Variants in FOXR1 observed in about 807,000 individuals in gnomAD.
The protein encoded by FOXR1 is forkhead box protein R1.
In FOXR1, 25 loss-of-function variants were observed where a neutral mutation model predicts 34.5. The observed-to-expected ratio is 0.72, with a 90% CI of 0.53 to 1.01. The LOEUF (loss-of-function observed/expected upper bound fraction) is 1.01, where lower values mean the gene tolerates loss of function less well. FOXR1 is among the 50% of genes least tolerant of loss of function. FOXR1 has a pLI of 0.00. For missense variants in FOXR1, 373 were observed against 376.2 expected (o/e 0.99, Z 0.07); for synonymous variants, 153 against 141.6 (o/e 1.08, Z -0.57).
intron 1 of FOXR1, 83 bp downstream of exon 1, chr11:118,972,075 T>G: frequency 1.6e-6 from 2 of 1,238,876 alleles, no homozygotes; most frequent in Non-Finnish European, 2.2e-6. Context: ...GGCAGACGGC[T>G]CCCCAGCCTT....
At chr11:118,978,291 G>A (rs2134484662) in intron 1 of FOXR1, among the ~76,000 whole-genome samples, 1 of 152,198 alleles carries the variant, frequency 6.6e-6, no homozygotes, top group South Asian at 2.1e-4. Context: ...GGAGACTGAG[G>A]TGGGAGAATC....
intron 1 of FOXR1, among the ~76,000 whole-genome samples, chr11:118,973,462 C>T (rs544560752): frequency 3.9e-4 from 60 of 152,048 alleles, no homozygotes; most frequent in South Asian, 6.2e-4. Context: ...CTGTTGCCCA[C>T]GCTGCAGTGG....
chr11:118,973,626 C>G (rs1428107338), intron 1 of FOXR1, among the ~76,000 whole-genome samples: 1 of 151,572 alleles, frequency 6.6e-6, no homozygotes, highest in Non-Finnish European at 1.5e-5. Context: ...TCTTCAATTC[C>G]TGACCATGAT....
At chr11:118,972,114 G>C in intron 1 of FOXR1, 122 bp downstream of exon 1, 1 of 725,880 alleles carries the variant, frequency 1.4e-6, no homozygotes, top group African/African-American at 2.1e-5. Context: ...AGGCTTGGGG[G>C]GCCGAGCGCC....
chr11:118,972,736 C>T (rs1409904489), intron 1 of FOXR1, among the ~76,000 whole-genome samples: 3 of 152,102 alleles, frequency 2.0e-5, no homozygotes, highest in Non-Finnish European at 4.4e-5. Flanking sequence ...GATTCTCCCG[C>T]CCCAGCCTCC....
chr11:118,972,429 T>C (rs946232213), intron 1 of FOXR1, among the ~76,000 whole-genome samples: 4 of 152,122 alleles, frequency 2.6e-5, no homozygotes, highest in Admixed American at 6.6e-5. Flanking sequence ...TATCCATGGC[T>C]GTATTCTCAC....
At chr11:118,973,717 G>A (rs1277107543) in intron 1 of FOXR1, among the ~76,000 whole-genome samples, 1 of 119,502 alleles carries the variant, frequency 8.4e-6, no homozygotes, top group Non-Finnish European at 1.7e-5. Flanking sequence ...TTTTTGTCAT[G>A]GAGTCTCACT....
chr11:118,979,554 A>G lies in FOXR1; in HGVS notation c.497A>G (p.Gln166Arg). The G allele has an allele frequency of 6.2e-7, 1 of 1,613,578 alleles. No homozygotes were observed. The highest frequency in any genetic ancestry group is 8.5e-7 in the Non-Finnish European group (1 of 1,179,754). ...CGGAGGCTTCGGCAAGCCAGCAGCC[A>G]GGCGGGGAGGCTCTGGTCCCGGCCC... ...QSRRLRQASS[Q>R]AGRLWSRPPL... The change falls in exon 4 of 6, where the codon CAG becomes CGG. Residue 166 changes from glutamine to arginine, a missense_variant. By Grantham distance (43) the Gln-to-Arg change is conservative. Transcript: ENST00000317011.
rs1941816992 is a variant in FOXR1, at chr11:118,979,147, C to A, written c.327C>A (p.Ser109=). 2 of 1,581,658 alleles carry A rather than the reference C, an allele frequency of 1.3e-6. No individual in the cohort carries two copies. Among genetic ancestry groups the A allele is most frequent in the Admixed American group, 1.9e-5 (1 of 53,170 alleles). The change falls in exon 3 of 6, where the codon TCC becomes TCA. Residue 109 remains serine (S), a synonymous_variant. Transcript: ENST00000317011. ...EAAGVESLSQ[S]SSKRSPPRKR... ...CAGGGGTGGAATCACTGTCCCAGTC[C>A]TCCAGCAAGCGGTCTCCCCCTCGGA...
At position 118,979,630 on chromosome 11, in the gene FOXR1, C is replaced by T. The variant is rs1280844362; in HGVS notation, c.573C>T (p.Pro191=). ...CCCTGGCATTAAGAAACAGTTCCCC[C>T]TGTGGCCTCAACGTGCAACAGATCT... ...LIALALRNSS[P]CGLNVQQIYS... The change falls in exon 4 of 6, where the codon CCC becomes CCT. Residue 191 remains proline, a synonymous_variant. Transcript: ENST00000317011. The T allele has an allele frequency of 1.9e-6, 3 of 1,610,826 alleles. No homozygotes were observed. The highest frequency in any genetic ancestry group is 2.5e-6 in the Non-Finnish European group (3 of 1,178,528).
intron 4 of FOXR1, 27 bp downstream of exon 4, chr11:118,979,695 G>T (rs1941830612): frequency 6.5e-7 from 1 of 1,546,364 alleles, no homozygotes; most frequent in Non-Finnish European, 8.7e-7. Flanking sequence ...CTGCGAGGAG[G>T]GGGAAGTGGG....
chr11:118,973,479 C>G (rs183718303), intron 1 of FOXR1, among the ~76,000 whole-genome samples: 17 of 151,900 alleles, frequency 1.1e-4, no homozygotes, highest in Non-Finnish European at 4.4e-5. Context: ...GTGGTGCGAT[C>G]TCCTCTGCCC....
At chr11:118,979,277 T>G (rs1287920353) in intron 3 of FOXR1, 73 bp downstream of exon 3, 2 of 1,501,420 alleles carry the variant, frequency 1.3e-6, no homozygotes, top group Non-Finnish European at 1.8e-6. Flanking sequence ...ATTACAGTTC[T>G]GCTCTCTTAG....
chr11:118,980,825 G>A (rs1941852349), intron 5 of FOXR1, 97 bp downstream of exon 5: 2 of 1,157,594 alleles, frequency 1.7e-6, no homozygotes, highest in South Asian at 1.5e-5. Flanking sequence ...GTGGGGGTGG[G>A]GGAATGCATC....
At chr11:118,979,953 C>A (rs1941833538) in intron 4 of FOXR1, among the ~76,000 whole-genome samples, 1 of 152,140 alleles carries the variant, frequency 6.6e-6, no homozygotes, top group Non-Finnish European at 1.5e-5. Flanking sequence ...AGTTTCCCCA[C>A]CATCCTCTGA....
At chr11:118,975,838 A>T (rs1015191620) in intron 1 of FOXR1, among the ~76,000 whole-genome samples, 3 of 152,174 alleles carry the variant, frequency 2.0e-5, no homozygotes, top group Non-Finnish European at 4.4e-5. Flanking sequence ...TCACTGTTTC[A>T]ATCACTTGAT....
intron 1 of FOXR1, among the ~76,000 whole-genome samples, chr11:118,975,229 G>A (rs546152997): frequency 6.6e-6 from 1 of 152,176 alleles, no homozygotes; most frequent in South Asian, 2.1e-4. Context: ...AAGGAGGGAG[G>A]GGTTGGATGA....
Position 118,971,958 on chromosome 11 carries a change from C to T in FOXR1, c.27C>T (p.Phe9=), listed in dbSNP as rs1417736557. Residue 9 remains phenylalanine, a synonymous_variant, in exon 1 of 6, where the codon TTC becomes TTT. Transcript: ENST00000317011. ...TGGGGAACGAGCTCTTTCTGGCCTT[C>T]ACCACATCTCACCTCCCCTTAGCGG... MGNELFLA[F]TTSHLPLAEQ... 1.3e-6 allele frequency: 2 copies of T among 1,553,580 alleles called. No individual in the cohort carries two copies. The highest frequency in any genetic ancestry group is 2.4e-5 in the South Asian group (2 of 84,186).
intron 1 of FOXR1, among the ~76,000 whole-genome samples, chr11:118,972,611 CTCT>C (rs1376302479): frequency 1.3e-5 from 2 of 150,862 alleles, no homozygotes; most frequent in Admixed American, 6.6e-5. Context: ...CTTGGATTAA[CTCT>C]TTTTTTTTTT....
Sources: allele counts gnomAD v4.1 joint callset (sites outside exome capture counted in the v4.1 genomes callset), GRCh38; gene constraint gnomAD v4.1.1; transcripts MANE v1.5; gene names NCBI Gene and HGNC (gene_info 2026-07-23, HGNC 2026-07-21).